Variants in ERICH5 observed in about 807,000 individuals in gnomAD.
ERICH5 encodes glutamate-rich protein 5.
In ERICH5, 24 loss-of-function variants were observed where a neutral mutation model predicts 28.0. The ratio of observed to expected loss-of-function variants is 0.86; its 90% CI spans 0.62 to 1.21. The LOEUF (loss-of-function observed/expected upper bound fraction) is 1.21. ERICH5 is among the 50% of genes most tolerant of loss of function. The pLI is 0.00. For synonymous variants in ERICH5, 163 were observed against 157.6 expected, an observed-to-expected ratio of 1.03 and a Z score of -0.25; for missense variants, 421 against 441.2, an observed-to-expected ratio of 0.95 and a Z score of 0.41.
chr8:98,071,659 G>A (rs1000701495), intron 1 of ERICH5, among the ~76,000 whole-genome samples: 1 of 151,346 alleles, frequency 6.6e-6, no homozygotes, highest in Non-Finnish European at 1.5e-5. Context: ...TTTTTTTAAA[G>A]CAAAGTGCCA....
At chr8:98,071,204 G>C (rs188311936) in intron 1 of ERICH5, among the ~76,000 whole-genome samples, 1 of 152,266 alleles carries the variant, frequency 6.6e-6, no homozygotes, top group Non-Finnish European at 1.5e-5. Flanking sequence ...TTGAACCTGG[G>C]AGGTGGAGGT....
At position 98,091,900 on chromosome 8, in the gene ERICH5, C is replaced by CTTCCTTTCTTT; in HGVS notation, c.1013-1321_1013-1320insTTCCTTTCTTT. Among the ~76,000 whole-genome samples the CTTCCTTTCTTT allele has an allele frequency of 8.7e-4, 65 of 74,708 alleles. 3 individuals carry two copies. Among genetic ancestry groups the CTTCCTTTCTTT allele is most frequent in the African/African-American group, 3.6e-3 (64 of 17,842 alleles). 49.0% of individuals were successfully genotyped at this position (74,708 alleles called of 152,430 possible). A position where few individuals can be genotyped will look rare whatever the true frequency, so the allele number is the denominator to read the frequency against. The stretch of plus-strand genomic sequence containing the variant: ...TCTTTCTTTCTTTCTTTCTTTCTTT[C>CTTCCTTTCTTT]CTTTCTTTCTTTCTTTCTTCCTTTC... On this transcript the variant is annotated intron_variant, in intron 2 of 2. Coordinates refer to ENST00000318528, the MANE Select transcript of ERICH5 (RefSeq NM_173549.3).
intron 1 of ERICH5, among the ~76,000 whole-genome samples, chr8:98,074,426 C>CTTT (rs35893011): frequency 2.0e-4 from 27 of 133,096 alleles, no homozygotes; most frequent in African/African-American, 6.8e-4. Flanking sequence ...TTTTAATTTA[C>CTTT]TTTTTTTTTT....
chr8:98,089,914 T>G lies in ERICH5; in HGVS notation c.897T>G (p.Ile299Met). The G allele has an allele frequency of 6.2e-7, 1 of 1,614,198 alleles. No individual in the cohort carries two copies. The highest frequency in any genetic ancestry group is 8.5e-7 in the Non-Finnish European group (1 of 1,180,038). ...AAGGTCCAGGAAACATGGAGCAGAT[T>G]CAACCTGAAGGAATAGTTGGAAGCA... Reference protein sequence around the residue: ...TPEGPGNMEQIQPEGIVGSME... With the variant: ...TPEGPGNMEQMQPEGIVGSME... The change falls in exon 2 of 3, where the codon ATT becomes ATG. Residue 299 changes from isoleucine (I) to methionine (M), a missense_variant. Ile to Met is a conservative substitution (Grantham distance 10). Coordinates refer to ENST00000318528, the MANE Select transcript of ERICH5 (RefSeq NM_173549.3).
At chr8:98,070,552 C>T (rs1387908695) in intron 1 of ERICH5, among the ~76,000 whole-genome samples, 2 of 148,386 alleles carry the variant, frequency 1.3e-5, no homozygotes, top group African/African-American at 5.0e-5. Flanking sequence ...ATGCTGATGC[C>T]TGTAATCCCA....
At chr8:98,080,652 T>C (rs181132819) in intron 1 of ERICH5, among the ~76,000 whole-genome samples, 3 of 150,746 alleles carry the variant, frequency 2.0e-5, no homozygotes, top group Non-Finnish European at 4.4e-5. Context: ...TTCTCCTTCT[T>C]CTTCTCCTCC....
rs372813375 is a variant in ERICH5 at position 98,089,915 on chromosome 8, C to A, written c.898C>A (p.Gln300Lys). Residue 300 changes from glutamine (Q) to lysine (K), a missense_variant, in exon 2 of 3, where the codon CAA becomes AAA. Coordinates refer to ENST00000318528, the MANE Select transcript of ERICH5 (RefSeq NM_173549.3). ...AGGTCCAGGAAACATGGAGCAGATT[C>A]AACCTGAAGGAATAGTTGGAAGCAT... is the stretch of plus-strand genomic sequence containing the variant. The part of the protein sequence containing the change: ...PEGPGNMEQI[Q>K]PEGIVGSMEH... 2.5e-6 allele frequency: 4 copies of A among 1,614,058 alleles called. No individual in the cohort carries two copies. In the African/African-American group the frequency reaches 5.3e-5, roughly 22 times the overall value.
At chr8:98,091,824 CTTTCTTTTTCTT>C (rs1292495553) in intron 2 of ERICH5, among the ~76,000 whole-genome samples, 25 of 149,848 alleles carry the variant, frequency 1.7e-4, no homozygotes, top group African/African-American at 3.4e-4. Context: ...CTTTCTTTTT[CTTTCTTTTTCTT>C]TTTCTTTCTT....
chr8:98,093,127 A>T, intron 2 of ERICH5, 94 bp from the exon 3 acceptor site: 2 of 804,756 alleles, frequency 2.5e-6, no homozygotes, highest in African/African-American at 3.5e-5. Context: ...AGACCTGAAG[A>T]TCAAGAACTG....
chr8:98,082,024 A>G (rs1292064708), intron 1 of ERICH5, among the ~76,000 whole-genome samples: 1 of 152,152 alleles, frequency 6.6e-6, no homozygotes, highest in East Asian at 1.9e-4. Flanking sequence ...TGTCTCTTCT[A>G]TCACATAGGG....
chr8:98,070,616 C>A (rs754528803), intron 1 of ERICH5, among the ~76,000 whole-genome samples: 4 of 127,266 alleles, frequency 3.1e-5, no homozygotes, highest in Non-Finnish European at 4.8e-5. Context: ...GCCAAGATCG[C>A]GCCATTGCAC....
At position 98,091,417 on chromosome 8, in the gene ERICH5, GA is replaced by G. The variant is rs148361220; in HGVS notation, c.1012+1390del. Reference sequence around the variant, plus strand: ...GAACTGCTTTCCTAAGAATGTGTAAGAAGGGCCCTGGGAACAACTTGGGAGA... The same window carrying G: ...GAACTGCTTTCCTAAGAATGTGTAAGAGGGCCCTGGGAACAACTTGGGAGA... On this transcript the variant is annotated intron_variant, in intron 2 of 2. Transcript: ENST00000318528. Among the ~76,000 whole-genome samples the G allele has an allele frequency of 1.6e-3, 238 of 152,324 alleles. 1 individual carries two copies. Among genetic ancestry groups the G allele is most frequent in the African/African-American group, 5.3e-3 (220 of 41,572 alleles).
At chr8:98,080,200 T>C (rs1815151980) in intron 1 of ERICH5, among the ~76,000 whole-genome samples, 1 of 152,186 alleles carries the variant, frequency 6.6e-6, no homozygotes, top group Admixed American at 6.5e-5. Flanking sequence ...GCTGGGCAAA[T>C]TACACACATT....
At chr8:98,075,701 T>C (rs1320791980) in intron 1 of ERICH5, among the ~76,000 whole-genome samples, 1 of 151,418 alleles carries the variant, frequency 6.6e-6, no homozygotes, top group Non-Finnish European at 1.5e-5. Flanking sequence ...CTGGTGTGAA[T>C]AGGACTGCTC....
chr8:98,080,676 T>C (rs973831218), intron 1 of ERICH5, among the ~76,000 whole-genome samples: 2 of 147,098 alleles, frequency 1.4e-5, no homozygotes, highest in East Asian at 3.9e-4. Flanking sequence ...TCCTTCTCCT[T>C]CTTCTTCTTC....
At chr8:98,092,312 G>A (rs1342391054) in intron 2 of ERICH5, among the ~76,000 whole-genome samples, 2 of 151,832 alleles carry the variant, frequency 1.3e-5, no homozygotes, top group Non-Finnish European at 2.9e-5. Flanking sequence ...GTAGCTGGGC[G>A]CCACCATCCC....
Position 98,090,150 on chromosome 8 carries a change from G to A in ERICH5, c.1012+121G>A, listed in dbSNP as rs79371522. 1.5e-3 allele frequency: 1,014 copies of A among 697,510 alleles called. 5 individuals are homozygous for A. In the African/African-American group the frequency reaches 0.016, roughly 11 times the overall value. The allele number at this position is 697,510 out of a possible 1,614,324, so 43.2% of individuals were successfully genotyped here. On this transcript the variant is annotated intron_variant, in intron 2 of 2. Transcript: ENST00000318528. ...AGTCACTTTCAGGTGGTTGAAGTTC[G>A]TTTGACCAAACCAAAAAGGCTTCTG... is the stretch of plus-strand genomic sequence containing the variant.
At chr8:98,076,390 CTTTTTT>C (rs58330802) in intron 1 of ERICH5, among the ~76,000 whole-genome samples, 4 of 143,148 alleles carry the variant, frequency 2.8e-5, no homozygotes, top group Admixed American at 2.8e-4. Flanking sequence ...ATTAGAAGGC[CTTTTTT>C]TTTTTTTTTT....
At chr8:98,079,618 C>A (rs1025396371) in intron 1 of ERICH5, among the ~76,000 whole-genome samples, 1 of 152,184 alleles carries the variant, frequency 6.6e-6, no homozygotes, top group Non-Finnish European at 1.5e-5. Flanking sequence ...TGGCTCACTG[C>A]AACCTCCGCC....
Sources: gnomAD v4.1 joint callset for allele counts (sites outside exome capture counted in the v4.1 genomes callset) on GRCh38, gnomAD v4.1.1 for gene constraint, MANE v1.5 for transcripts, NCBI Gene and HGNC (gene_info 2026-07-23, HGNC 2026-07-21) for gene names.